The following ARB2A variants were observed in gnomAD, a reference collection of about 807,000 sequenced individuals.
ARB2A encodes the protein ARB2 cotranscriptional regulator A.
At chr5:93,860,512 T>C in the ARB2A span, among the ~76,000 whole-genome samples, 1 of 151,894 alleles carries the variant, frequency 6.6e-6, no homozygotes, top group Non-Finnish European at 1.5e-5. Context: ...AAACATGTTA[T>C]TTAGAAAAAT....
At chr5:93,729,351 T>A in the ARB2A span, among the ~76,000 whole-genome samples, 1 of 152,160 alleles carries the variant, frequency 6.6e-6, no homozygotes, top group East Asian at 1.9e-4. Context: ...TGCCTAGCCC[T>A]TAACAGGTGC....
the ARB2A span, among the ~76,000 whole-genome samples, chr5:93,932,523 T>C: frequency 6.6e-6 from 1 of 152,222 alleles, no homozygotes; most frequent in Non-Finnish European, 1.5e-5. Flanking sequence ...TAGACAAATA[T>C]GCATTAAGTA....
chr5:93,715,117 C>T, the ARB2A span, among the ~76,000 whole-genome samples: 3 of 152,004 alleles, frequency 2.0e-5, no homozygotes, highest in South Asian at 2.1e-4. Flanking sequence ...CTTATATGTA[C>T]ATTACAACTA....
At chr5:93,910,500 A>C in the ARB2A span, among the ~76,000 whole-genome samples, 2 of 151,368 alleles carry the variant, frequency 1.3e-5, no homozygotes, top group Non-Finnish European at 3.0e-5. Context: ...TAGGTAAAAT[A>C]AGCATTTTCC....
At chr5:94,072,931 C>A in the ARB2A span, among the ~76,000 whole-genome samples, 111 of 152,198 alleles carry the variant, frequency 7.3e-4, no homozygotes, top group African/African-American at 2.6e-3. Context: ...ACTGCTTTAA[C>A]CCCGCTCATC....
the ARB2A span, among the ~76,000 whole-genome samples, chr5:94,072,600 G>A: frequency 6.6e-6 from 1 of 151,932 alleles, no homozygotes; most frequent in Admixed American, 6.6e-5. Flanking sequence ...GGGGTTAGAG[G>A]GCGGTGGTAA....
At chr5:93,877,698 A>T in the ARB2A span, among the ~76,000 whole-genome samples, 1 of 152,186 alleles carries the variant, frequency 6.6e-6, no homozygotes, top group Non-Finnish European at 1.5e-5. Context: ...AAATTAGCTA[A>T]TCATTATACA....
At chr5:93,746,832 G>A in the ARB2A span, among the ~76,000 whole-genome samples, 234 of 152,310 alleles carry the variant, frequency 1.5e-3, 1 homozygote, top group African/African-American at 5.3e-3. Context: ...CAGTTGAGCT[G>A]AGTGGGGCTG....
chr5:94,071,630 T>C, the ARB2A span, among the ~76,000 whole-genome samples: 2 of 151,994 alleles, frequency 1.3e-5, no homozygotes, highest in Non-Finnish European at 2.9e-5. Context: ...AATAAGCACA[T>C]GAAAAGATGT....
At chr5:93,981,993 T>G in the ARB2A span, among the ~76,000 whole-genome samples, 1 of 152,042 alleles carries the variant, frequency 6.6e-6, no homozygotes, top group African/African-American at 2.4e-5. Context: ...CAGATACAAA[T>G]AGAAAACATT....
the ARB2A span, among the ~76,000 whole-genome samples, chr5:93,985,773 C>CA: frequency 1.5e-3 from 222 of 152,298 alleles, 1 homozygote; most frequent in African/African-American, 5.0e-3. Flanking sequence ...CGGCTGGCTA[C>CA]AACCTCCACC....
chr5:93,853,094 G>C, the ARB2A span, among the ~76,000 whole-genome samples: 1 of 152,170 alleles, frequency 6.6e-6, no homozygotes, highest in Non-Finnish European at 1.5e-5. Flanking sequence ...CATGAGCATG[G>C]AATGTTCTTC....
chr5:93,778,605 A>G, the ARB2A span, among the ~76,000 whole-genome samples: 1 of 152,162 alleles, frequency 6.6e-6, no homozygotes, highest in African/African-American at 2.4e-5. Flanking sequence ...AGCACTACCG[A>G]CAGACAGGCA....
the ARB2A span, among the ~76,000 whole-genome samples, chr5:94,040,984 C>T: frequency 6.6e-6 from 1 of 152,248 alleles, no homozygotes; most frequent in Middle Eastern, 3.4e-3. Context: ...GTGGTGCAGC[C>T]AGCCAGGTTA....
chr5:93,792,554 C>A, the ARB2A span, among the ~76,000 whole-genome samples: 2 of 151,950 alleles, frequency 1.3e-5, no homozygotes, highest in African/African-American at 4.8e-5. Flanking sequence ...AATTGGAAAT[C>A]ATCATTCTCA....
the ARB2A span, among the ~76,000 whole-genome samples, chr5:93,659,169 C>G: frequency 6.6e-6 from 1 of 152,098 alleles, no homozygotes; most frequent in African/African-American, 2.4e-5. Context: ...CTACCTTTAG[C>G]TCCATGACAG....
the ARB2A span, among the ~76,000 whole-genome samples, chr5:94,021,615 T>C: frequency 3.5e-3 from 529 of 152,304 alleles, 5 homozygotes; most frequent in Non-Finnish European, 5.4e-3. Flanking sequence ...ACAGCTTGGT[T>C]ATACGGTCAA....
At chr5:93,989,010 T>G in the ARB2A span, among the ~76,000 whole-genome samples, 1 of 151,724 alleles carries the variant, frequency 6.6e-6, no homozygotes, top group Non-Finnish European at 1.5e-5. Flanking sequence ...AGAGGGAGAG[T>G]GAGATGCAAA....
chr5:94,000,639 A>G, the ARB2A span, among the ~76,000 whole-genome samples: 2 of 151,978 alleles, frequency 1.3e-5, no homozygotes, highest in African/African-American at 4.8e-5. Flanking sequence ...GTTTTTTGTA[A>G]AAGTTTCAAA....
Sources: allele counts gnomAD v4.1 joint callset (sites outside exome capture counted in the v4.1 genomes callset), GRCh38; gene constraint gnomAD v4.1.1; transcripts MANE v1.5; gene names NCBI Gene and HGNC (gene_info 2026-07-23, HGNC 2026-07-21).